Variants in MANBA observed in about 807,000 individuals in gnomAD.
The protein encoded by MANBA is beta-mannosidase.
MANBA carries 83 observed loss-of-function variants against 111.1 expected under a neutral mutation model. The observed-to-expected ratio is 0.75, with a 90% CI of 0.63 to 0.90. MANBA has a LOEUF of 0.90. MANBA is among the 40% of genes least tolerant of loss of function. MANBA has a pLI of 0.00. For synonymous variants in MANBA, 370 were observed against 378.7 expected (o/e 0.98, Z 0.27); for missense variants, 1,036 against 1,069.0 (o/e 0.97, Z 0.43).
intron 1 of MANBA, among the ~76,000 whole-genome samples, chr4:102,732,390 AC>A (rs1245267163): frequency 6.6e-6 from 1 of 152,176 alleles, no homozygotes; most frequent in African/African-American, 2.4e-5. Flanking sequence ...AGGGACCGTA[AC>A]TCCAAGTCAA....
intron 7 of MANBA, among the ~76,000 whole-genome samples, chr4:102,685,832 C>A (rs1732184654): frequency 1.3e-5 from 2 of 152,132 alleles, no homozygotes; most frequent in African/African-American, 4.8e-5. Context: ...CAAAAAAGAT[C>A]ACTGCACTGC....
chr4:102,707,705 T>C (rs1400695337), intron 5 of MANBA, among the ~76,000 whole-genome samples: 1 of 152,142 alleles, frequency 6.6e-6, no homozygotes, highest in South Asian at 2.1e-4. Context: ...ACTTAAAAGA[T>C]ATAAATTGAC....
chr4:102,672,069 G>A (rs1285393827), intron 8 of MANBA: 11 of 398,558 alleles, frequency 2.8e-5, no homozygotes, highest in Non-Finnish European at 4.4e-5. Context: ...GAGGGGAGAG[G>A]AGCATTTGAA....
At chr4:102,722,462 C>G (rs988991080) in intron 4 of MANBA, 1 of 209,260 alleles carries the variant, frequency 4.8e-6, no homozygotes, top group Admixed American at 5.3e-5. Context: ...TTATGAGAAC[C>G]TGACAGTAAG....
chr4:102,687,036 C>T (rs2110239620), intron 7 of MANBA, among the ~76,000 whole-genome samples: 1 of 152,250 alleles, frequency 6.6e-6, no homozygotes, highest in African/African-American at 2.4e-5. Flanking sequence ...TCCACCCAAC[C>T]CCTTCCCCCA....
Position 102,749,908 on chromosome 4 carries a change from C to T in MANBA, c.177+10810G>A, listed in dbSNP as rs1487465966. 3.9e-5 allele frequency among the ~76,000 whole-genome samples: 6 copies of T among 152,266 alleles called. 1 individual carries two copies. The South Asian group carries it at 1.2e-3, about 32-fold the overall frequency. On this transcript the variant is annotated intron_variant, in intron 1 of 16. Transcript: ENST00000647097. ...TCAGGTGGTCCTTTGATTTTCAGTT[C>T]GGGGCCACGCAAAGCAAATCCTCCC...
chr4:102,725,300 T>C (rs1352899610), intron 2 of MANBA, among the ~76,000 whole-genome samples: 1 of 152,038 alleles, frequency 6.6e-6, no homozygotes, highest in Non-Finnish European at 1.5e-5. Flanking sequence ...AATGACTGGG[T>C]GGAGGCATTT....
At chr4:102,675,948 G>T (rs1578892590) in intron 7 of MANBA, among the ~76,000 whole-genome samples, 1 of 151,786 alleles carries the variant, frequency 6.6e-6, no homozygotes, top group East Asian at 1.9e-4. Context: ...TCCAGCCTGG[G>T]CTACAGAACA....
At chr4:102,701,196 GT>G (rs1175241143) in intron 5 of MANBA, among the ~76,000 whole-genome samples, 1 of 150,808 alleles carries the variant, frequency 6.6e-6, no homozygotes, top group Non-Finnish European at 1.5e-5. Context: ...GCCTTTTTTT[GT>G]TTTCCATTTG....
At chr4:102,744,301 G>T (rs979118320) in intron 1 of MANBA, among the ~76,000 whole-genome samples, 7 of 152,156 alleles carry the variant, frequency 4.6e-5, no homozygotes, top group African/African-American at 1.7e-4. Context: ...CTGAATTTTG[G>T]TTGGATGCAC....
chr4:102,658,602 T>C (rs1730690537), intron 11 of MANBA, among the ~76,000 whole-genome samples: 1 of 152,242 alleles, frequency 6.6e-6, no homozygotes, highest in South Asian at 2.1e-4. Flanking sequence ...GTGAAAGTAA[T>C]GGCTAGGTGT....
intron 11 of MANBA, among the ~76,000 whole-genome samples, chr4:102,659,943 T>C (rs1006497656): frequency 2.0e-5 from 3 of 151,472 alleles, no homozygotes; most frequent in African/African-American, 7.3e-5. Context: ...ACACTCTACC[T>C]CTCTCTCAGG....
intron 4 of MANBA, among the ~76,000 whole-genome samples, chr4:102,718,275 C>T (rs927421310): frequency 2.6e-5 from 4 of 152,152 alleles, no homozygotes; most frequent in African/African-American, 9.7e-5. Context: ...CTTTAGGTCC[C>T]TGTGAATCAG....
At position 102,690,686 on chromosome 4, in the gene MANBA, T is replaced by A; in HGVS notation, c.759A>T (p.Val253=). The change falls in exon 6 of 17, where the codon GTA becomes GTT. Residue 253 remains valine (V), a synonymous_variant. Coordinates refer to ENST00000647097, the MANE Select transcript of MANBA (RefSeq NM_005908.4). ...GTTGTGTTTGCAACTTAGGGATGGC[T>A]ACGATCACTTGACCACCAACTGGCT... ...SSKPVGGQVI[V]AIPKLQTQQT... 1.2e-6 allele frequency: 2 copies of A among 1,611,278 alleles called. No individual in the cohort carries two copies. Among genetic ancestry groups the A allele is most frequent in the Non-Finnish European group, 1.7e-6 (2 of 1,177,958 alleles).
In MANBA at chr4:102,632,115, G is replaced by A; in HGVS notation, c.2582C>T (p.Thr861Ile). The A allele has an allele frequency of 3.1e-6, 5 of 1,612,868 alleles. No individual in the cohort carries two copies. Among genetic ancestry groups the A allele is most frequent in the Non-Finnish European group, 4.2e-6 (5 of 1,179,392 alleles). The change falls in exon 17 of 17, where the codon ACC becomes ATC. Residue 861 changes from threonine (T) to isoleucine (I), a missense_variant. Transcript: ENST00000647097. ...AGATTGCTCCAACTCATTCTTGCTG[G>A]TGGGCTCCCAAGGGTAAAATAATAT... Reference protein sequence around the residue: ...RTILFYPWEPTSKNELEQSFH... With the variant: ...RTILFYPWEPISKNELEQSFH...
At chr4:102,679,192 C>T (rs901877027) in intron 7 of MANBA, among the ~76,000 whole-genome samples, 4 of 152,038 alleles carry the variant, frequency 2.6e-5, no homozygotes, top group African/African-American at 9.7e-5. Flanking sequence ...CTTTGTCGTG[C>T]CCTTGCAATT....
At chr4:102,639,073 A>C (rs372536883) in intron 14 of MANBA, among the ~76,000 whole-genome samples, 1 of 152,168 alleles carries the variant, frequency 6.6e-6, no homozygotes, top group East Asian at 1.9e-4. Context: ...TTAATGTACC[A>C]GAATAGATGG....
chr4:102,669,642 C>T (rs562232795), intron 9 of MANBA, among the ~76,000 whole-genome samples: 5 of 151,868 alleles, frequency 3.3e-5, no homozygotes, highest in South Asian at 2.1e-4. Context: ...GTCAAGAGTT[C>T]GAGACCAGCC....
chr4:102,754,534 AGTT>A (rs1369845244), intron 1 of MANBA, among the ~76,000 whole-genome samples: 2 of 151,938 alleles, frequency 1.3e-5, no homozygotes, highest in Non-Finnish European at 2.9e-5. Flanking sequence ...AATGTGAAAG[AGTT>A]GTTATTTATT....
Sources: allele counts gnomAD v4.1 joint callset (sites outside exome capture counted in the v4.1 genomes callset), GRCh38; gene constraint gnomAD v4.1.1; transcripts MANE v1.5; gene names NCBI Gene and HGNC (gene_info 2026-07-23, HGNC 2026-07-21).